SRC: variants seen among roughly 807,000 people sequenced by gnomAD.
SRC encodes the protein SRC proto-oncogene, non-receptor tyrosine kinase, also known as proto-oncogene tyrosine-protein kinase Src.
SRC carries 13 observed loss-of-function variants against 62.9 expected under a neutral mutation model. The observed-to-expected ratio is 0.21, with a 90% CI of 0.13 to 0.33. The LOEUF (loss-of-function observed/expected upper bound fraction) is 0.33, where lower values mean the gene tolerates loss of function less well. SRC is among the 10% of genes least tolerant of loss of function. SRC has a pLI of 1.00. For missense variants in SRC, 457 were observed against 737.3 expected (o/e 0.62, Z 4.40); for synonymous variants, 302 against 317.5 (o/e 0.95, Z 0.52).
chr20:37,356,197 C>G (rs116967476), intron 1 of SRC, among the ~76,000 whole-genome samples: 9 of 152,022 alleles, frequency 5.9e-5, no homozygotes, highest in African/African-American at 2.2e-4. Flanking sequence ...ATGGGAGGGA[C>G]CTCTGAGGGG....
rs765391344 is a variant in SRC, at chr20:37,396,125, G to A, written c.554-37G>A. 5 of 1,603,852 alleles carry A rather than the reference G, an allele frequency of 3.1e-6. No individual in the cohort carries two copies. Among genetic ancestry groups the A allele is most frequent in the Non-Finnish European group, 4.2e-6 (5 of 1,177,108 alleles). ...CAGAGCAGCGGCCTGCGGGGGGAGA[G>A]GGCATGGCGGTCACGGCTCCCCTCG... On this transcript the variant is annotated intron_variant, in intron 7 of 13. Transcript: ENST00000373578. The surrounding 1 kb of genome is among the most constrained non-coding windows in gnomAD (Gnocchi z 6.1).
In SRC at chr20:37,384,875, G is replaced by C. The variant is rs940659213; in HGVS notation, c.250+472G>C. Reference sequence around the variant, plus strand: ...CCTGCGCCCTCTGCTGGCGCTCTGCGGTCACCGCAGCCCCGGAGAGGGCCG... The same window carrying C: ...CCTGCGCCCTCTGCTGGCGCTCTGCCGTCACCGCAGCCCCGGAGAGGGCCG... On this transcript the variant is annotated intron_variant, in intron 4 of 13. Coordinates refer to ENST00000373578, the MANE Select transcript of SRC (RefSeq NM_198291.3). This position sits in a 1 kb window ranked among gnomAD's most constrained non-coding sequence, Gnocchi z 6.7. 1.3e-4 allele frequency among the ~76,000 whole-genome samples: 20 copies of C among 152,178 alleles called. No individual in the cohort carries two copies. Among genetic ancestry groups the C allele is most frequent in the African/African-American group, 4.6e-4 (19 of 41,446 alleles).
intron 5 of SRC, chr20:37,386,508 G>GGCGGGGTGCTTC: frequency 1.4e-6 from 1 of 712,960 alleles, no homozygotes; most frequent in East Asian, 2.7e-5. Context: ...CGGCGGGCTG[G>GGCGGGGTGCTTC]GCGGGGTGCT....
chr20:37,358,914 A>G (rs2146928216), intron 1 of SRC, among the ~76,000 whole-genome samples: 1 of 152,378 alleles, frequency 6.6e-6, no homozygotes, highest in South Asian at 2.1e-4. Flanking sequence ...CGCCGCGGAC[A>G]CGGGACCAGG....
In SRC at chr20:37,384,283, G is replaced by T. The variant is rs1186378528; in HGVS notation, c.130G>T (p.Ala44Ser). The change falls in exon 4 of 14, where the codon GCC becomes TCC. Residue 44 changes from alanine to serine, a missense_variant. This residue lies in a region of SRC where 132 missense variants were observed against 135.4 expected (regional missense o/e 0.98). Coordinates refer to ENST00000373578, the MANE Select transcript of SRC (RefSeq NM_198291.3). The surrounding 1 kb of genome is among the most constrained non-coding windows in gnomAD (Gnocchi z 6.7). ...GCAGACCCCCAGCAAGCCAGCCTCG[G>T]CCGACGGCCACCGCGGCCCCAGCGC... is the stretch of plus-strand genomic sequence containing the variant. ...ASQTPSKPAS[A>S]DGHRGPSAAF... 6.6e-7 allele frequency: 1 copy of T among 1,516,208 alleles called. No individual in the cohort carries two copies. 93.9% of individuals were successfully genotyped at this position (1,516,208 alleles called of 1,614,324 possible). A position where few individuals can be genotyped will look rare whatever the true frequency, so the allele number is the denominator to read the frequency against.
chr20:37,352,569 C>T (rs528591540), intron 1 of SRC, among the ~76,000 whole-genome samples: 1 of 152,342 alleles, frequency 6.6e-6, no homozygotes, highest in South Asian at 2.1e-4. Context: ...TCACCCTGGC[C>T]TCCCTCCTCC....
At position 37,402,100 on chromosome 20, in the gene SRC, A is replaced by C; in HGVS notation, c.1117-335A>C. 1 of 316,152 alleles carries C rather than the reference A, an allele frequency of 3.2e-6. No homozygotes were observed. Among genetic ancestry groups the C allele is most frequent in the African/African-American group, 2.2e-5 (1 of 45,906 alleles). The allele number at this position is 316,152 out of a possible 1,614,324, so 19.6% of individuals were successfully genotyped here. A position where few individuals can be genotyped will look rare whatever the true frequency, so the allele number is the denominator to read the frequency against. Reference sequence around the variant, plus strand: ...GAGAAAACTGAGGCTCAGAGAGGGGACTTGGGCAGCAGGCAGGACCTGGCA... The same window carrying C: ...GAGAAAACTGAGGCTCAGAGAGGGGCCTTGGGCAGCAGGCAGGACCTGGCA... On this transcript the variant is annotated intron_variant, in intron 11 of 13. Coordinates refer to ENST00000373578, the MANE Select transcript of SRC (RefSeq NM_198291.3). This position sits in a 1 kb window ranked among gnomAD's most constrained non-coding sequence, Gnocchi z 6.2.
chr20:37,389,162 G>A (rs1179857980), intron 5 of SRC, among the ~76,000 whole-genome samples: 2 of 152,124 alleles, frequency 1.3e-5, no homozygotes, highest in Non-Finnish European at 2.9e-5. Context: ...TGGTATTCTG[G>A]GTATTGTGTG....
At chr20:37,373,308 CAT>C (rs2070214335) in intron 2 of SRC, among the ~76,000 whole-genome samples, 1 of 151,338 alleles carries the variant, frequency 6.6e-6, no homozygotes, top group Non-Finnish European at 1.5e-5. Flanking sequence ...CACATGCACA[CAT>C]TACATATGTA....
In SRC at chr20:37,402,745, G is replaced by T. The variant is rs1350754978; in HGVS notation, c.1271-4G>T. 6.2e-7 allele frequency: 1 copy of T among 1,609,808 alleles called. No homozygotes were observed. The highest frequency in any genetic ancestry group is 1.1e-5 in the South Asian group (1 of 90,498). On this transcript the variant is annotated splice_polypyrimidine_tract_variant and splice_region_variant and intron_variant, in intron 12 of 13. Transcript: ENST00000373578. The surrounding 1 kb of genome is among the most constrained non-coding windows in gnomAD (Gnocchi z 6.2). ...AGCTGCCCTGACCTTTCTCGTTCCTGCAGGTGCCAAATTCCCCATCAAGTG... is the reference window on the plus strand; with the variant it reads ...AGCTGCCCTGACCTTTCTCGTTCCTTCAGGTGCCAAATTCCCCATCAAGTG...
In SRC at chr20:37,394,018, T is replaced by C. The variant is rs768107852; in HGVS notation, c.449+25T>C. On this transcript the variant is annotated intron_variant, in intron 6 of 13. Transcript: ENST00000373578. ...AGTGAGTACCGTCTCTGGCTGCCTC[T>C]ACCCGTCGTCCCTGGACACTGCCGG... 7 of 1,607,388 alleles carry C rather than the reference T, an allele frequency of 4.4e-6. No homozygotes were observed. The African/African-American group carries it at 5.3e-5, about 12-fold the overall frequency.
At chr20:37,345,303 G>C (rs11904904), upstream of SRC, among the ~76,000 whole-genome samples, 52 of 152,126 alleles carry the variant, frequency 3.4e-4, no homozygotes, top group African/African-American at 1.2e-3. Flanking sequence ...TAAGAGGGGA[G>C]TCTTTGTGGC....
At chr20:37,381,835 C>T (rs1412244840) in intron 2 of SRC, among the ~76,000 whole-genome samples, 2 of 152,158 alleles carry the variant, frequency 1.3e-5, no homozygotes, top group Non-Finnish European at 2.9e-5. Flanking sequence ...TCCCCAGGTC[C>T]ATTGACTTGT....
At chr20:37,395,352 G>T (rs2070627103) in intron 7 of SRC, among the ~76,000 whole-genome samples, 2 of 152,236 alleles carry the variant, frequency 1.3e-5, no homozygotes, top group Non-Finnish European at 2.9e-5. Context: ...TGCCTGGCCA[G>T]GCTCCTGAGA....
In SRC at chr20:37,405,112, T is replaced by C. The variant is rs2070807325; in HGVS notation, c.*1733T>C. ...TTCAACTTTTCCTTTCATACGTCTT[T>C]ATTACCCAAGTCTTCTCCCGTCCAT... On this transcript the variant is annotated 3_prime_UTR_variant, in exon 14 of 14. Transcript: ENST00000373578. 1 of 233,302 alleles carries C rather than the reference T, an allele frequency of 4.3e-6. No individual in the cohort carries two copies. The highest frequency in any genetic ancestry group is 8.5e-6 in the Non-Finnish European group (1 of 117,824). 14.5% of individuals were successfully genotyped at this position (233,302 alleles called of 1,614,324 possible).
rs2069806939 is a variant in SRC at position 37,351,872 on chromosome 20, C to G, written c.-247+5617C>G. 6.6e-6 allele frequency among the ~76,000 whole-genome samples: 1 copy of G among 152,130 alleles called. No individual in the cohort carries two copies. Among genetic ancestry groups the G allele is most frequent in the Non-Finnish European group, 1.5e-5 (1 of 68,034 alleles). ...TGGCTGCTGAGTAATTTGTGGGGAT[C>G]TGATTCTTATTAAGTGTGTACCCAA... On this transcript the variant is annotated intron_variant, in intron 1 of 13. Coordinates refer to ENST00000373578, the MANE Select transcript of SRC (RefSeq NM_198291.3). The surrounding 1 kb of genome is among the most constrained non-coding windows in gnomAD (Gnocchi z 4.4).
At chr20:37,366,898 T>C (rs2070071018) in intron 2 of SRC, among the ~76,000 whole-genome samples, 1 of 152,184 alleles carries the variant, frequency 6.6e-6, no homozygotes. Context: ...AGGAGTAGAA[T>C]TGCTAGATCA....
intron 2 of SRC, among the ~76,000 whole-genome samples, chr20:37,368,110 G>T (rs1423556219): frequency 1.3e-5 from 2 of 152,052 alleles, no homozygotes; most frequent in African/African-American, 4.8e-5. Context: ...TGTGCTCTAG[G>T]TGTTGTATTT....
rs748509071 is a variant in SRC, at chr20:37,400,269, C to T, written c.1014C>T (p.Tyr338=). ...CTGTGGTTTCAGAGGAGCCCATTTA[C>T]ATCGTCACGGAGTACATGAGCAAGG... ...LYAVVSEEPI[Y]IVTEYMSKGS... Residue 338 remains tyrosine (Y), a synonymous_variant, in exon 10 of 14, where the codon TAC becomes TAT. Transcript: ENST00000373578. 4 of 1,613,460 alleles carry T rather than the reference C, an allele frequency of 2.5e-6. No homozygotes were observed. Among genetic ancestry groups the T allele is most frequent in the Admixed American group, 3.3e-5 (2 of 59,988 alleles).
Sources: gnomAD v4.1 joint callset for allele counts (sites outside exome capture counted in the v4.1 genomes callset) on GRCh38, gnomAD v4.1.1 for gene constraint, gnomAD v4.1.1 regional missense constraint, Gnocchi (gnomAD v3.1) non-coding constraint, MANE v1.5 for transcripts, NCBI Gene and HGNC (gene_info 2026-07-23, HGNC 2026-07-21) for gene names.